ATF7IP: variants seen among roughly 807,000 people sequenced by gnomAD.
The protein encoded by ATF7IP is activating transcription factor 7-interacting protein 1.
A neutral mutation model predicts 106.4 loss-of-function variants in ATF7IP; 23 were observed. The ratio of observed to expected loss-of-function variants is 0.22; its 90% confidence interval spans 0.16 to 0.31. The LOEUF (loss-of-function observed/expected upper bound fraction) is 0.31. Ranked by LOEUF, ATF7IP falls within the 10% of genes least tolerant of loss-of-function variation. The probability of loss-of-function intolerance (pLI) is 1.00; values close to 1 mark genes in which losing one functional copy is unlikely to be tolerated. For missense variants in ATF7IP, 1,334 were observed against 1,524.3 expected (o/e 0.88, Z 2.08); for synonymous variants, 542 against 539.0 (o/e 1.01, Z -0.08).
At chr12:14,387,195 T>C (rs1224648766) in intron 1 of ATF7IP, among the ~76,000 whole-genome samples, 7 of 152,172 alleles carry the variant, frequency 4.6e-5, no homozygotes, top group African/African-American at 1.4e-4. Flanking sequence ...TTCAGTCATA[T>C]GAACTGTACC....
chr12:14,374,272 A>ATTTTTT (rs563859251), intron 1 of ATF7IP, among the ~76,000 whole-genome samples: 4 of 105,446 alleles, frequency 3.8e-5, no homozygotes, highest in Admixed American at 1.2e-4. Flanking sequence ...TAATTTTGTA[A>ATTTTTT]TTTTTTTTTT....
intron 1 of ATF7IP, among the ~76,000 whole-genome samples, chr12:14,408,943 G>A (rs137896754): frequency 8.5e-5 from 13 of 152,094 alleles, no homozygotes; most frequent in South Asian, 2.1e-4. Flanking sequence ...TCAACACTAC[G>A]TAGTTCACTA....
intron 1 of ATF7IP, among the ~76,000 whole-genome samples, chr12:14,409,457 A>T (rs1235018932): frequency 6.6e-6 from 1 of 152,168 alleles, no homozygotes; most frequent in East Asian, 1.9e-4. Context: ...TCTTTCTGGT[A>T]AAAGATAGTT....
chr12:14,430,616 CTG>C (rs1316020497), intron 2 of ATF7IP, among the ~76,000 whole-genome samples: 42 of 152,234 alleles, frequency 2.8e-4, no homozygotes, highest in Non-Finnish European at 5.9e-5. Flanking sequence ...AGTTCCTTAT[CTG>C]TGAATTGCCT....
In ATF7IP at chr12:14,499,984, G is replaced by A. The variant is rs1015923367; in HGVS notation, c.*1911G>A. The A allele has an allele frequency of 6.6e-6, 1 of 152,192 alleles. No homozygotes were observed. The highest frequency in any genetic ancestry group is 2.4e-5 in the African/African-American group (1 of 41,448). The allele number at this position is 152,192 out of a possible 1,614,324, so 9.4% of individuals were successfully genotyped here. On this transcript the variant is annotated 3_prime_UTR_variant, in exon 15 of 15. Transcript: ENST00000261168. ...CCAGCTGTACTGGTGTCAGGTAGGTGTTTTGGGTGTAGATAATTTAGGACT... is the reference window on the plus strand; with the variant it reads ...CCAGCTGTACTGGTGTCAGGTAGGTATTTTGGGTGTAGATAATTTAGGACT...
chr12:14,458,390 T>A (rs1004939251), intron 8 of ATF7IP, among the ~76,000 whole-genome samples: 1 of 152,194 alleles, frequency 6.6e-6, no homozygotes, highest in South Asian at 2.1e-4. Context: ...TTTACAAATA[T>A]ATAGATGGAA....
At chr12:14,386,736 C>T (rs908968170) in intron 1 of ATF7IP, among the ~76,000 whole-genome samples, 4 of 152,010 alleles carry the variant, frequency 2.6e-5, no homozygotes, top group South Asian at 2.1e-4. Context: ...AACTTGGAAA[C>T]GAGATCGTAC....
chr12:14,462,132 C>T (rs1943664518), intron 9 of ATF7IP, among the ~76,000 whole-genome samples: 1 of 151,980 alleles, frequency 6.6e-6, no homozygotes, highest in Non-Finnish European at 1.5e-5. Context: ...GGATATCACT[C>T]ATCATTATCA....
chr12:14,366,887 A>G (rs893316688), intron 1 of ATF7IP, among the ~76,000 whole-genome samples: 22 of 152,298 alleles, frequency 1.4e-4, no homozygotes, highest in African/African-American at 5.0e-4. Flanking sequence ...TGTGTGTAAG[A>G]TACAGTTGTG....
chr12:14,430,999 A>G (rs1942091379), intron 2 of ATF7IP, among the ~76,000 whole-genome samples: 2 of 152,226 alleles, frequency 1.3e-5, no homozygotes, highest in African/African-American at 4.8e-5. Context: ...ATCTAAGGCA[A>G]TGGTTTTTGT....
At chr12:14,410,079 T>C (rs966175120) in intron 1 of ATF7IP, among the ~76,000 whole-genome samples, 2 of 152,110 alleles carry the variant, frequency 1.3e-5, no homozygotes, top group African/African-American at 4.8e-5. Context: ...CCAACCGTTA[T>C]TTCCTCCCAG....
chr12:14,406,933 A>G (rs1456212495), intron 1 of ATF7IP, among the ~76,000 whole-genome samples: 1 of 152,156 alleles, frequency 6.6e-6, no homozygotes, highest in East Asian at 1.9e-4. Context: ...TAAAAATCTA[A>G]CCACTGTTAA....
chr12:14,397,936 A>AT (rs1355419588), intron 1 of ATF7IP, among the ~76,000 whole-genome samples: 9 of 152,048 alleles, frequency 5.9e-5, no homozygotes, highest in Admixed American at 5.2e-4. Flanking sequence ...CCTTGAGATG[A>AT]TTTTTTGAGT....
chr12:14,425,322 G>C lies in ATF7IP; in HGVS notation c.1407G>C (p.Glu469Asp), dbSNP rs1490299772. The change falls in exon 2 of 15, where the codon GAG (glutamate) becomes GAC (aspartate). Residue 469 changes from glutamate (E) to aspartate (D), a missense_variant. Transcript: ENST00000261168. ...PIDETNPDLE[E>D]KMESSFGSPS... ...ATGAGACAAATCCAGATTTGGAAGA[G>C]AAAATGGAAAGTTCTTTTGGTTCAC... 1.2e-6 allele frequency: 2 copies of C among 1,609,490 alleles called. No homozygotes were observed. Among genetic ancestry groups the C allele is most frequent in the Admixed American group, 3.4e-5 (2 of 58,746 alleles).
rs1328518163 is a variant in ATF7IP at position 14,458,186 on chromosome 12, CTG to C, written c.2158+895_2158+896del. Among the ~76,000 whole-genome samples, 8 of 151,870 alleles carry C rather than the reference CTG, an allele frequency of 5.3e-5. No homozygotes were observed. In the East Asian group the frequency reaches 7.7e-4, roughly 15 times the overall value. ...ACACAAAAAGCTTTTTAAAATGAAA[CTG>C]TGTATTTTCCAAGCTTAAAAATAGC... On this transcript the variant is annotated intron_variant, in intron 8 of 14. Transcript: ENST00000261168.
chr12:14,426,922 C>A (rs1366270074), intron 2 of ATF7IP, among the ~76,000 whole-genome samples: 3 of 146,428 alleles, frequency 2.0e-5, no homozygotes, highest in South Asian at 4.5e-4. Flanking sequence ...CTTCTTGGTT[C>A]TAGAGATTTG....
intron 1 of ATF7IP, among the ~76,000 whole-genome samples, chr12:14,389,696 C>T (rs558506454): frequency 8.3e-4 from 126 of 152,190 alleles, no homozygotes; most frequent in African/African-American, 2.7e-3. Context: ...GGCGCGATCT[C>T]GGCTCACCGC....
At chr12:14,413,067 C>G (rs1941008145) in intron 1 of ATF7IP, among the ~76,000 whole-genome samples, 1 of 152,178 alleles carries the variant, frequency 6.6e-6, no homozygotes, top group Non-Finnish European at 1.5e-5. Context: ...GCCTAATTCT[C>G]CTGGCTAGAA....
chr12:14,441,594 A>G (rs928827643), intron 5 of ATF7IP, among the ~76,000 whole-genome samples: 6 of 143,562 alleles, frequency 4.2e-5, no homozygotes, highest in Non-Finnish European at 3.0e-5. Flanking sequence ...GGTTCACGCC[A>G]TTCTCCTGCC....
Sources: gnomAD v4.1 joint callset for allele counts (sites outside exome capture counted in the v4.1 genomes callset) on GRCh38, gnomAD v4.1.1 for gene constraint, MANE v1.5 for transcripts, NCBI Gene and HGNC (gene_info 2026-07-23, HGNC 2026-07-21) for gene names.